The following MED12L variants were observed in gnomAD, a reference collection of about 807,000 sequenced individuals.
The protein encoded by MED12L is mediator complex subunit 12L.
A neutral mutation model predicts 281.3 loss-of-function variants in MED12L; 60 were observed. That is an observed-to-expected ratio of 0.21 (90% CI 0.17 to 0.26). MED12L has a LOEUF of 0.26. MED12L is among the 10% of genes least tolerant of loss of function. MED12L has a pLI of 1.00. For synonymous variants in MED12L, 974 were observed against 987.2 expected (o/e 0.99, Z 0.25); for missense variants, 2,146 against 2,680.9 (o/e 0.80, Z 4.41).
intron 16 of MED12L, among the ~76,000 whole-genome samples, chr3:151,264,248 G>A (rs917326434): frequency 6.6e-6 from 1 of 152,212 alleles, no homozygotes; most frequent in South Asian, 2.1e-4. Context: ...TACAGCTGCT[G>A]TAATTGATTT....
At chr3:151,240,530 A>G (rs1733864455) in intron 16 of MED12L, among the ~76,000 whole-genome samples, 1 of 152,224 alleles carries the variant, frequency 6.6e-6, no homozygotes, top group Admixed American at 6.5e-5. Context: ...GGGACAGAAG[A>G]GGGTCACAGA....
intron 6 of MED12L, 76 bp from the exon 7 acceptor site, chr3:151,158,613 A>T: frequency 1.1e-6 from 1 of 872,164 alleles, no homozygotes; most frequent in Non-Finnish European, 1.9e-6. Context: ...AGTTAGACTT[A>T]AGCATAAGAA....
At chr3:151,267,496 G>C (rs993259310) in intron 16 of MED12L, among the ~76,000 whole-genome samples, 1 of 152,132 alleles carries the variant, frequency 6.6e-6, no homozygotes, top group Non-Finnish European at 1.5e-5. Flanking sequence ...TTGTGAATCT[G>C]GGTAATTGTT....
chr3:151,237,045 CTT>C (rs56926535), intron 16 of MED12L, among the ~76,000 whole-genome samples: 48 of 125,846 alleles, frequency 3.8e-4, no homozygotes, highest in African/African-American at 6.6e-4. Flanking sequence ...TGATGCCAAA[CTT>C]TTTTTTTTTT....
intron 5 of MED12L, among the ~76,000 whole-genome samples, chr3:151,136,930 A>G (rs1292429591): frequency 1.3e-5 from 2 of 152,088 alleles, no homozygotes; most frequent in Non-Finnish European, 2.9e-5. Context: ...TTGGGAGGCT[A>G]AGGTGGGTGG....
chr3:151,172,022 C>G (rs1038229333), intron 11 of MED12L, among the ~76,000 whole-genome samples: 11 of 152,108 alleles, frequency 7.2e-5, no homozygotes, highest in African/African-American at 2.4e-5. Context: ...AGGGGAAGCA[C>G]CCCTATAAGA....
intron 16 of MED12L, chr3:151,329,458 TA>T: frequency 6.7e-7 from 1 of 1,493,668 alleles, no homozygotes; most frequent in Non-Finnish European, 9.1e-7. Flanking sequence ...AGCACACTCA[TA>T]ATAACAAAAA....
chr3:151,353,581 T>A (rs1036803884), intron 17 of MED12L, among the ~76,000 whole-genome samples: 10 of 152,210 alleles, frequency 6.6e-5, no homozygotes, highest in African/African-American at 2.4e-4. Context: ...ACCAGCCTTG[T>A]GGTGTTTTGT....
At chr3:151,289,239 C>T (rs1473334982) in intron 16 of MED12L, among the ~76,000 whole-genome samples, 1 of 152,094 alleles carries the variant, frequency 6.6e-6, no homozygotes, top group Non-Finnish European at 1.5e-5. Context: ...GATGAGCTAT[C>T]CCAGAGTAAG....
chr3:151,291,574 TACTG>T (rs1212489809), intron 16 of MED12L, among the ~76,000 whole-genome samples: 1 of 152,166 alleles, frequency 6.6e-6, no homozygotes, highest in East Asian at 1.9e-4. Flanking sequence ...GATTCTGAAA[TACTG>T]AATGTAATCC....
chr3:151,209,600 G>A (rs1003439586), intron 16 of MED12L, among the ~76,000 whole-genome samples: 1 of 152,112 alleles, frequency 6.6e-6, no homozygotes, highest in Non-Finnish European at 1.5e-5. Context: ...CTGCTTACCC[G>A]AAAGAAATCC....
At chr3:151,424,590 T>C (rs983848305) in intron 43 of MED12L, among the ~76,000 whole-genome samples, 3 of 151,456 alleles carry the variant, frequency 2.0e-5, no homozygotes, top group Non-Finnish European at 2.9e-5. Context: ...CACTGCACTG[T>C]AGCCTGGACG....
chr3:151,152,860 C>T (rs1292378647), intron 5 of MED12L, among the ~76,000 whole-genome samples: 1 of 152,180 alleles, frequency 6.6e-6, no homozygotes, highest in Non-Finnish European at 1.5e-5. Context: ...GGTGGTGTAA[C>T]ACCGCCAGTG....
chr3:151,293,576 TACACACACACACACACACACAC>T (rs55846173), intron 16 of MED12L, among the ~76,000 whole-genome samples: 2 of 76,200 alleles, frequency 2.6e-5, no homozygotes, highest in Non-Finnish European at 2.4e-5. Context: ...ATGAAGCCCT[TACACACACACACACACACACAC>T]ACACACACAC....
At position 151,310,921 on chromosome 3, in the gene MED12L, G is replaced by A. The variant is rs145017309; in HGVS notation, c.2251-39138G>A. 5.9e-3 allele frequency among the ~76,000 whole-genome samples: 905 copies of A among 152,296 alleles called. 9 individuals are homozygous for A. The highest frequency in any genetic ancestry group is 0.02 in the African/African-American group (847 of 41,556). On this transcript the variant is annotated intron_variant, in intron 16 of 44. Transcript: ENST00000687756. Reference sequence around the variant, plus strand: ...GGAAATGTACCATCTCTAGATAGGAGCTGGGGTGGGGAAAAACTTTAAGGG... The same window carrying A: ...GGAAATGTACCATCTCTAGATAGGAACTGGGGTGGGGAAAAACTTTAAGGG...
At chr3:151,154,264 G>T (rs1718961722) in intron 5 of MED12L, among the ~76,000 whole-genome samples, 1 of 152,050 alleles carries the variant, frequency 6.6e-6, no homozygotes, top group African/African-American at 2.4e-5. Context: ...TAAAGCACAG[G>T]GTTAAGAGGG....
At chr3:151,263,512 A>G (rs1200353589) in intron 16 of MED12L, among the ~76,000 whole-genome samples, 1 of 152,198 alleles carries the variant, frequency 6.6e-6, no homozygotes, top group African/African-American at 2.4e-5. Context: ...TTTAATGCCA[A>G]CTTGGGTCAT....
intron 16 of MED12L, among the ~76,000 whole-genome samples, chr3:151,269,158 T>G (rs1162391346): frequency 3.3e-5 from 5 of 152,076 alleles, no homozygotes; most frequent in Non-Finnish European, 7.4e-5. Context: ...GCCTATACTC[T>G]GGGAGGCCAA....
Position 151,413,209 on chromosome 3 carries a change from C to T in MED12L, c.6211C>T (p.His2071Tyr), listed in dbSNP as rs143079872. ...GGIDAVLTSA[H>Y]PNLPSVPLPQ... ...AATTGATGCTGTGCTGACTTCTGCACATCCAAACCTTCCCTCCGTGCCCCT... is the reference window on the plus strand; with the variant it reads ...AATTGATGCTGTGCTGACTTCTGCATATCCAAACCTTCCCTCCGTGCCCCT... The change falls in exon 42 of 45, where the codon CAT becomes TAT. Residue 2071 changes from histidine (H) to tyrosine (Y), a missense_variant. His to Tyr is a moderately conservative substitution (Grantham distance 83, BLOSUM62 2). Transcript: ENST00000687756. The T allele has an allele frequency of 4.3e-6, 7 of 1,614,206 alleles. No individual in the cohort carries two copies. The highest frequency in any genetic ancestry group is 5.9e-6 in the Non-Finnish European group (7 of 1,180,040).
Sources: gnomAD v4.1 joint callset for allele counts (sites outside exome capture counted in the v4.1 genomes callset) on GRCh38, gnomAD v4.1.1 for gene constraint, MANE v1.5 for transcripts, NCBI Gene and HGNC (gene_info 2026-07-23, HGNC 2026-07-21) for gene names.